The following PTPRG variants were observed in gnomAD, a reference collection of about 807,000 sequenced individuals.
The protein encoded by PTPRG is protein tyrosine phosphatase receptor type G.
A neutral mutation model predicts 165.3 loss-of-function variants in PTPRG; 102 were observed. That is an observed-to-expected ratio of 0.62 (90% CI 0.53 to 0.73). The LOEUF (loss-of-function observed/expected upper bound fraction) is 0.73, where lower values mean the gene tolerates loss of function less well. Ranked by LOEUF, PTPRG falls within the 30% of genes least tolerant of loss-of-function variation. The pLI is 0.00. For missense variants in PTPRG, 1,866 were observed against 1,861.4 expected (o/e 1.00, Z -0.05); for synonymous variants, 675 against 669.5 (o/e 1.01, Z -0.13).
intron 4 of PTPRG, among the ~76,000 whole-genome samples, chr3:62,070,762 T>C (rs1431605658): frequency 6.6e-6 from 1 of 152,208 alleles, no homozygotes; most frequent in Non-Finnish European, 1.5e-5. Context: ...TCACTGTGTT[T>C]GGATGTTTAC....
rs568161433 is a variant in PTPRG, at chr3:62,239,365, T to C, written c.2376-4442T>C. Among the ~76,000 whole-genome samples, 14 of 146,630 alleles carry C rather than the reference T, an allele frequency of 9.5e-5. No individual in the cohort carries two copies. The South Asian group carries it at 2.2e-3, about 23-fold the overall frequency. Reference sequence around the variant, plus strand: ...TCTTTCTTTCTTTTTTCTTTCTTTTTTTTTTTTTTTTTTTGAGACCAAGTC... The same window carrying C: ...TCTTTCTTTCTTTTTTCTTTCTTTTCTTTTTTTTTTTTTTGAGACCAAGTC... On this transcript the variant is annotated intron_variant, in intron 14 of 29. Coordinates refer to ENST00000474889, the MANE Select transcript of PTPRG (RefSeq NM_002841.4).
intron 5 of PTPRG, among the ~76,000 whole-genome samples, chr3:62,102,986 G>T (rs1201940460): frequency 2.6e-5 from 4 of 152,164 alleles, no homozygotes; most frequent in African/African-American, 9.7e-5. Context: ...CTAAAAATCA[G>T]AAGTTAAATC....
At chr3:62,108,295 T>G (rs556798799) in intron 5 of PTPRG, among the ~76,000 whole-genome samples, 1 of 151,904 alleles carries the variant, frequency 6.6e-6, no homozygotes, top group South Asian at 2.1e-4. Context: ...ACATGCAGTG[T>G]TTGGTTTTCT....
At chr3:61,775,255 G>A (rs1296559015) in intron 2 of PTPRG, among the ~76,000 whole-genome samples, 1 of 152,106 alleles carries the variant, frequency 6.6e-6, no homozygotes, top group Non-Finnish European at 1.5e-5. Context: ...ATTTTTAGTT[G>A]AGATGGGGTT....
intron 12 of PTPRG, among the ~76,000 whole-genome samples, chr3:62,215,833 G>T (rs1159760775): frequency 6.6e-6 from 1 of 151,978 alleles, no homozygotes; most frequent in Non-Finnish European, 1.5e-5. Context: ...ACGATATAAT[G>T]TGCCACTGAT....
chr3:61,610,367 C>G (rs571889997), intron 1 of PTPRG, among the ~76,000 whole-genome samples: 138 of 152,196 alleles, frequency 9.1e-4, no homozygotes, highest in Admixed American at 1.5e-3. Context: ...TTTTGCAAGA[C>G]CCAAATCATT....
intron 8 of PTPRG, among the ~76,000 whole-genome samples, chr3:62,178,200 TGGATGGATGGGA>T (rs1344142023): frequency 1.3e-5 from 2 of 151,518 alleles, no homozygotes; most frequent in Admixed American, 1.3e-4. Context: ...TGTGGATCCA[TGGATGGATGGGA>T]GGATGGATGG....
At chr3:61,743,575 T>C (rs1012859444) in intron 1 of PTPRG, among the ~76,000 whole-genome samples, 2 of 152,186 alleles carry the variant, frequency 1.3e-5, no homozygotes, top group Non-Finnish European at 2.9e-5. Context: ...AATGCAGCAA[T>C]GTACAGCATA....
rs1207880270 is a variant in PTPRG, at chr3:62,294,810, T to TTATG, written c.*1505_*1508dup. ...GGAAGAATAGGGTTTTATTTACTTTTTATGTCAATTAACTTCAACAAAAAG... is the reference window on the plus strand; with the variant it reads ...GGAAGAATAGGGTTTTATTTACTTTTTATGTATGTCAATTAACTTCAACAAAAAG... On this transcript the variant is annotated 3_prime_UTR_variant, in exon 30 of 30. Coordinates refer to ENST00000474889, the MANE Select transcript of PTPRG (RefSeq NM_002841.4). 1 of 152,244 alleles carries TTATG rather than the reference T, an allele frequency of 6.6e-6. No homozygotes were observed. The highest frequency in any genetic ancestry group is 1.9e-4 in the East Asian group (1 of 5,180). 9.4% of individuals were successfully genotyped at this position (152,244 alleles called of 1,614,324 possible). A position where few individuals can be genotyped will look rare whatever the true frequency, so the allele number is the denominator to read the frequency against.
At chr3:61,901,786 T>C (rs2038504931) in intron 2 of PTPRG, among the ~76,000 whole-genome samples, 1 of 152,210 alleles carries the variant, frequency 6.6e-6, no homozygotes, top group Non-Finnish European at 1.5e-5. Context: ...TTTAGATAAA[T>C]TCAGGCTCCA....
intron 1 of PTPRG, among the ~76,000 whole-genome samples, chr3:61,684,229 C>G (rs1703546792): frequency 6.6e-6 from 1 of 152,248 alleles, no homozygotes; most frequent in Middle Eastern, 3.4e-3. Flanking sequence ...AGTGTATATG[C>G]TGGTGGTGAT....
At chr3:62,171,215 C>G (rs976829266) in intron 8 of PTPRG, among the ~76,000 whole-genome samples, 1 of 152,152 alleles carries the variant, frequency 6.6e-6, no homozygotes, top group Non-Finnish European at 1.5e-5. Context: ...ATTACGAAAA[C>G]TCTTGAACCT....
chr3:61,947,272 C>G (rs2039782995), intron 2 of PTPRG, among the ~76,000 whole-genome samples: 1 of 152,132 alleles, frequency 6.6e-6, no homozygotes, highest in Non-Finnish European at 1.5e-5. Flanking sequence ...ATATAAAAGA[C>G]TTGTTTAAAA....
Position 62,255,246 on chromosome 3 carries a change from G to A in PTPRG, c.2559+31G>A. ...TTTCAAGGCTGGAAGTTAACTTCCA[G>A]AAACCTAAGTCTTACTTTATGCAGA... On this transcript the variant is annotated intron_variant, in intron 16 of 29. Coordinates refer to ENST00000474889, the MANE Select transcript of PTPRG (RefSeq NM_002841.4). The surrounding 1 kb of genome is among the most constrained non-coding windows in gnomAD (Gnocchi z 4.0). 1.3e-6 allele frequency: 2 copies of A among 1,548,678 alleles called. No individual in the cohort carries two copies. Among genetic ancestry groups the A allele is most frequent in the Non-Finnish European group, 1.8e-6 (2 of 1,126,758 alleles).
intron 2 of PTPRG, among the ~76,000 whole-genome samples, chr3:61,853,013 G>A (rs2037007786): frequency 6.6e-6 from 1 of 152,112 alleles, no homozygotes; most frequent in South Asian, 2.1e-4. Context: ...TCCATTTATT[G>A]AATGATTTCT....
chr3:61,580,805 C>T (rs1700277532), intron 1 of PTPRG, among the ~76,000 whole-genome samples: 1 of 152,112 alleles, frequency 6.6e-6, no homozygotes, highest in African/African-American at 2.4e-5. Context: ...GCTGCAGAAA[C>T]CCTTCAGTAG....
At chr3:61,783,505 A>G (rs569771329) in intron 2 of PTPRG, among the ~76,000 whole-genome samples, 9 of 152,168 alleles carry the variant, frequency 5.9e-5, no homozygotes, top group Non-Finnish European at 1.3e-4. Flanking sequence ...ATTGGTTGCT[A>G]TAGGAACCAG....
At chr3:61,732,568 G>A (rs1336541473) in intron 1 of PTPRG, among the ~76,000 whole-genome samples, 4 of 150,604 alleles carry the variant, frequency 2.7e-5, no homozygotes, top group East Asian at 1.9e-4. Flanking sequence ...AATTAGCCGC[G>A]CATGATGGCG....
intron 5 of PTPRG, among the ~76,000 whole-genome samples, chr3:62,105,937 G>A (rs1559511973): frequency 6.6e-6 from 1 of 152,194 alleles, no homozygotes; most frequent in Non-Finnish European, 1.5e-5. Flanking sequence ...TGCAAGCTAT[G>A]CTTTAAGGAT....
Sources: allele counts gnomAD v4.1 joint callset (sites outside exome capture counted in the v4.1 genomes callset), GRCh38; gene constraint gnomAD v4.1.1; non-coding constraint Gnocchi (gnomAD v3.1); transcripts MANE v1.5; gene names NCBI Gene and HGNC (gene_info 2026-07-23, HGNC 2026-07-21).